The following PCSK5 variants were observed in gnomAD, a reference collection of about 807,000 sequenced individuals.
PCSK5 encodes the protein prohormone convertase 5.
Under a neutral mutation model 233.2 loss-of-function variants are expected in PCSK5, and 129 were observed. The observed-to-expected ratio is 0.55, with a 90% CI of 0.48 to 0.64. The LOEUF (loss-of-function observed/expected upper bound fraction) is 0.64, where lower values mean the gene tolerates loss of function less well. Ranked by LOEUF, PCSK5 falls within the 30% of genes least tolerant of loss-of-function variation. PCSK5 has a pLI of 0.00. For synonymous variants in PCSK5, 825 were observed against 879.2 expected (o/e 0.94, Z 1.09); for missense variants, 2,076 against 2,430.1 (o/e 0.85, Z 3.06).
intron 24 of PCSK5, among the ~76,000 whole-genome samples, chr9:76,281,940 C>T (rs1021723653): frequency 6.6e-6 from 1 of 151,984 alleles, no homozygotes; most frequent in Non-Finnish European, 1.5e-5. Flanking sequence ...TGTGCCGTTG[C>T]ACCTGGCCTA....
chr9:76,121,104 C>A (rs904854366), intron 9 of PCSK5, among the ~76,000 whole-genome samples: 3 of 151,806 alleles, frequency 2.0e-5, no homozygotes, highest in Admixed American at 6.6e-5. Flanking sequence ...CTATTGATTT[C>A]TTTTTTCTTT....
chr9:76,019,577 T>G (rs1828094440), intron 3 of PCSK5, among the ~76,000 whole-genome samples: 1 of 152,008 alleles, frequency 6.6e-6, no homozygotes, highest in Non-Finnish European at 1.5e-5. Context: ...CTCCCACCCA[T>G]AAACCCTGCC....
rs181049559 is a variant in PCSK5, at chr9:76,253,775, T to C, written c.3142+13091T>C. ...TGAGGGTTAGAGAAATGTTGAAATG[T>C]GACCAATTTTATGCATATGGGAAAT... On this transcript the variant is annotated intron_variant, in intron 24 of 37. Transcript: ENST00000674117. Among the ~76,000 whole-genome samples, 293 of 152,374 alleles carry C rather than the reference T, an allele frequency of 1.9e-3. 1 individual carries two copies. The highest frequency in any genetic ancestry group is 6.2e-3 in the African/African-American group (256 of 41,582).
At chr9:75,989,631 G>T (rs1297042898) in intron 3 of PCSK5, among the ~76,000 whole-genome samples, 1 of 152,172 alleles carries the variant, frequency 6.6e-6, no homozygotes, top group Non-Finnish European at 1.5e-5. Flanking sequence ...AGAGCGGGAA[G>T]CTAGACTTCA....
chr9:75,912,520 A>G (rs1251363916), intron 1 of PCSK5, among the ~76,000 whole-genome samples: 1 of 152,158 alleles, frequency 6.6e-6, no homozygotes, highest in Non-Finnish European at 1.5e-5. Flanking sequence ...GAGATTCAGC[A>G]TTTCTAACAA....
At chr9:75,908,921 ATCTCTCTATCTCTCTC>A (rs1281042414) in intron 1 of PCSK5, among the ~76,000 whole-genome samples, 1 of 113,338 alleles carries the variant, frequency 8.8e-6, no homozygotes, top group African/African-American at 3.2e-5. Flanking sequence ...CTATCTATCT[ATCTCTCTATCTCTCTC>A]TCTGTCTATC....
At chr9:75,917,852 C>T (rs1369535618) in intron 1 of PCSK5, among the ~76,000 whole-genome samples, 1 of 152,098 alleles carries the variant, frequency 6.6e-6, no homozygotes, top group Admixed American at 6.5e-5. Flanking sequence ...TATTATTGGT[C>T]CTTCTATTTA....
At chr9:76,237,960 C>G (rs1826302298) in intron 22 of PCSK5, among the ~76,000 whole-genome samples, 1 of 152,122 alleles carries the variant, frequency 6.6e-6, no homozygotes, top group South Asian at 2.1e-4. Context: ...CTATCTTTAT[C>G]CACAAATTCA....
intron 20 of PCSK5, among the ~76,000 whole-genome samples, chr9:76,199,553 C>T (rs1355863609): frequency 6.6e-6 from 1 of 151,982 alleles, no homozygotes; most frequent in Non-Finnish European, 1.5e-5. Flanking sequence ...CACTATTCAC[C>T]CTCTAGGGAA....
rs185114282 is a variant in PCSK5 at position 75,951,479 on chromosome 9, T to C, written c.297+18996T>C. Among the ~76,000 whole-genome samples, 5 of 152,298 alleles carry C rather than the reference T, an allele frequency of 3.3e-5. No individual in the cohort carries two copies. In the East Asian group the frequency reaches 7.7e-4, roughly 24 times the overall value. On this transcript the variant is annotated intron_variant, in intron 2 of 37. Transcript: ENST00000674117. Reference sequence around the variant, plus strand: ...GTTGAGCAAACTGTGTAAAGAAACATGAACAGTTCTGCAGTTGTGGTATGA... The same window carrying C: ...GTTGAGCAAACTGTGTAAAGAAACACGAACAGTTCTGCAGTTGTGGTATGA...
At chr9:75,975,292 G>A (rs1399797378) in intron 2 of PCSK5, among the ~76,000 whole-genome samples, 1 of 152,146 alleles carries the variant, frequency 6.6e-6, no homozygotes, top group East Asian at 1.9e-4. Flanking sequence ...GACAGTATGT[G>A]CAATGGAGCT....
chr9:76,303,448 CTT>C (rs1411356461), intron 28 of PCSK5, among the ~76,000 whole-genome samples: 2 of 152,114 alleles, frequency 1.3e-5, no homozygotes, highest in Non-Finnish European at 2.9e-5. Context: ...GACATTAAAA[CTT>C]ATACAAATAT....
chr9:75,932,383 G>A lies in PCSK5; in HGVS notation c.197G>A (p.Gly66Glu), dbSNP rs749996808. The A allele has an allele frequency of 1.2e-5, 19 of 1,593,200 alleles. No individual in the cohort carries two copies. The Admixed American group carries it at 2.2e-4, about 18-fold the overall frequency. The change falls in exon 2 of 38, where the codon GGG (glycine) becomes GAG (glutamate). Residue 66 changes from glycine (G) to glutamate (E), a missense_variant. By Grantham distance (98) the Gly-to-Glu change is moderately conservative. Transcript: ENST00000674117. ...CTTCCCACCCTTCCTTTGCAGATAG[G>A]GGCCCTGAAGGACTACTACCACTTC... Reference protein sequence around the residue: ...KYGFINIGQIGALKDYYHFYH... With the variant: ...KYGFINIGQIEALKDYYHFYH...
At chr9:76,061,858 A>G (rs1036575157) in intron 5 of PCSK5, among the ~76,000 whole-genome samples, 7 of 152,244 alleles carry the variant, frequency 4.6e-5, no homozygotes, top group Non-Finnish European at 8.8e-5. Flanking sequence ...AAATATGTAC[A>G]TCTCTTATGT....
At chr9:75,906,114 A>G (rs1284237630) in intron 1 of PCSK5, among the ~76,000 whole-genome samples, 1 of 152,212 alleles carries the variant, frequency 6.6e-6, no homozygotes, top group African/African-American at 2.4e-5. Context: ...ATTATTTCAA[A>G]TTATGATAGG....
At chr9:75,912,084 A>G (rs1362637622) in intron 1 of PCSK5, among the ~76,000 whole-genome samples, 1 of 151,336 alleles carries the variant, frequency 6.6e-6, no homozygotes, top group Non-Finnish European at 1.5e-5. Flanking sequence ...AGGAAAGGAG[A>G]AAAGGAGAAG....
At chr9:76,281,885 C>A (rs1827877448) in intron 24 of PCSK5, among the ~76,000 whole-genome samples, 1 of 151,652 alleles carries the variant, frequency 6.6e-6, no homozygotes, top group African/African-American at 2.4e-5. Context: ...CTGAGCTCAA[C>A]TAATCCAATC....
chr9:76,009,312 T>G (rs1442081448), intron 3 of PCSK5, among the ~76,000 whole-genome samples: 1 of 152,100 alleles, frequency 6.6e-6, no homozygotes. Context: ...GTTAAATGAA[T>G]TGATGTTCTA....
chr9:75,938,354 A>G (rs1037084962), intron 2 of PCSK5, among the ~76,000 whole-genome samples: 3 of 152,238 alleles, frequency 2.0e-5, no homozygotes, highest in Non-Finnish European at 4.4e-5. Context: ...AACAAACGCA[A>G]CATTTATTGA....
Sources: gnomAD v4.1 joint callset for allele counts (sites outside exome capture counted in the v4.1 genomes callset) on GRCh38, gnomAD v4.1.1 for gene constraint, MANE v1.5 for transcripts, NCBI Gene and HGNC (gene_info 2026-07-23, HGNC 2026-07-21) for gene names.